The following MYO16 variants were observed in gnomAD, a reference collection of about 807,000 sequenced individuals.
The protein encoded by MYO16 is unconventional myosin-XVI.
In MYO16, 94 loss-of-function variants were observed where a neutral mutation model predicts 205.3. The observed-to-expected ratio is 0.46, with a 90% CI of 0.39 to 0.54. The LOEUF (loss-of-function observed/expected upper bound fraction) is 0.54. MYO16 is among the 20% of genes least tolerant of loss of function. MYO16 has a pLI of 0.00. For synonymous variants in MYO16, 988 were observed against 954.0 expected (o/e 1.04, Z -0.66); for missense variants, 2,315 against 2,387.5 (o/e 0.97, Z 0.63).
At chr13:108,590,271 C>T in the MYO16 span, among the ~76,000 whole-genome samples, 2 of 152,306 alleles carry the variant, frequency 1.3e-5, no homozygotes, top group South Asian at 4.1e-4. Context: ...TGCAGTGGTT[C>T]TCAAACCTTG....
At chr13:109,022,156 T>TATATATTTATATA (rs1491119226) in intron 23 of MYO16, among the ~76,000 whole-genome samples, 1 of 138,130 alleles carries the variant, frequency 7.2e-6, no homozygotes, top group Non-Finnish European at 1.5e-5. Context: ...TATATACAAA[T>TATATATTTATATA]TTATATATAC....
chr13:109,127,973 G>A lies in MYO16; in HGVS notation c.4051+423G>A, dbSNP rs1192448341. ...ATTATTTACCCATAGGAGAGTCATC[G>A]TGCAGGAAACTTCTGTTAGGAAAAC... On this transcript the variant is annotated intron_variant, in intron 31 of 34. Coordinates refer to ENST00000457511, the MANE Select transcript of MYO16 (RefSeq NM_001198950.3). This position sits in a 1 kb window ranked among gnomAD's most constrained non-coding sequence, Gnocchi z 4.2. Among the ~76,000 whole-genome samples, 1 of 151,854 alleles carries A rather than the reference G, an allele frequency of 6.6e-6. No homozygotes were observed. The highest frequency in any genetic ancestry group is 2.4e-5 in the African/African-American group (1 of 41,326).
chr13:108,896,828 CT>C (rs1880437259), intron 14 of MYO16, among the ~76,000 whole-genome samples: 1 of 151,932 alleles, frequency 6.6e-6, no homozygotes, highest in African/African-American at 2.4e-5. Flanking sequence ...AAAAATTGGC[CT>C]GGTGTAACGG....
chr13:108,549,703 G>T, the MYO16 span, among the ~76,000 whole-genome samples: 3 of 151,948 alleles, frequency 2.0e-5, no homozygotes, highest in Non-Finnish European at 4.4e-5. Context: ...GGGGAGAGTG[G>T]TCCTGGTAGC....
chr13:108,617,562 G>A (rs1420724785), intron 1 of MYO16, among the ~76,000 whole-genome samples: 2 of 152,140 alleles, frequency 1.3e-5, no homozygotes, highest in Non-Finnish European at 1.5e-5. Context: ...GCTCTTCACA[G>A]GTACGGGCTT....
At chr13:109,153,056 A>T (rs182118296) in intron 32 of MYO16, among the ~76,000 whole-genome samples, 1 of 152,240 alleles carries the variant, frequency 6.6e-6, no homozygotes, top group East Asian at 1.9e-4. Flanking sequence ...TTACATAGAG[A>T]TACTACTCGG....
At chr13:109,132,158 T>C (rs1459420157) in intron 31 of MYO16, among the ~76,000 whole-genome samples, 1 of 152,204 alleles carries the variant, frequency 6.6e-6, no homozygotes, top group African/African-American at 2.4e-5. Flanking sequence ...ATGATGTCAG[T>C]GGTGCTGTGC....
At chr13:109,033,205 G>A (rs75265716) in intron 23 of MYO16, among the ~76,000 whole-genome samples, 14,007 of 152,004 alleles carry the variant, frequency 0.092, 732 homozygotes, top group Middle Eastern at 0.11. Flanking sequence ...CCAGGGCTCC[G>A]TTTCCTCTCG....
At chr13:108,875,485 G>C (rs1473425865) in intron 12 of MYO16, among the ~76,000 whole-genome samples, 1 of 152,086 alleles carries the variant, frequency 6.6e-6, no homozygotes, top group African/African-American at 2.4e-5. Flanking sequence ...GTAATGTGTT[G>C]CCAGGTGGTA....
At chr13:108,637,113 G>A (rs767292625) in intron 1 of MYO16, among the ~76,000 whole-genome samples, 13 of 152,156 alleles carry the variant, frequency 8.5e-5, no homozygotes, top group South Asian at 2.1e-4. Context: ...ATATAAAATC[G>A]TAAACTTATA....
intron 31 of MYO16, among the ~76,000 whole-genome samples, chr13:109,135,466 C>T (rs924503125): frequency 6.6e-6 from 1 of 152,148 alleles, no homozygotes; most frequent in Non-Finnish European, 1.5e-5. Context: ...TTTTTTCAGC[C>T]TGCTTCTTCC....
chr13:108,588,200 A>T, the MYO16 span, among the ~76,000 whole-genome samples: 2 of 152,204 alleles, frequency 1.3e-5, no homozygotes, highest in Non-Finnish European at 2.9e-5. Context: ...CAGAGTATTA[A>T]ATGCAATCTA....
the MYO16 span, among the ~76,000 whole-genome samples, chr13:108,572,079 C>T: frequency 1.3e-5 from 2 of 151,768 alleles, no homozygotes; most frequent in Admixed American, 1.3e-4. Context: ...GCCACCATGC[C>T]CAGCTGATTA....
At chr13:109,097,157 T>C (rs1888804085) in intron 27 of MYO16, among the ~76,000 whole-genome samples, 1 of 152,132 alleles carries the variant, frequency 6.6e-6, no homozygotes, top group Non-Finnish European at 1.5e-5. Context: ...TGTGAAACCC[T>C]GTCTCTACTA....
At chr13:108,919,848 G>T (rs1881664281) in intron 16 of MYO16, among the ~76,000 whole-genome samples, 1 of 152,112 alleles carries the variant, frequency 6.6e-6, no homozygotes, top group Non-Finnish European at 1.5e-5. Flanking sequence ...TAAAAAACAT[G>T]ACCCAACCTG....
At chr13:108,758,651 G>A (rs1885499342) in intron 4 of MYO16, among the ~76,000 whole-genome samples, 1 of 152,194 alleles carries the variant, frequency 6.6e-6, no homozygotes, top group Non-Finnish European at 1.5e-5. Context: ...GCTGTTAGAT[G>A]TAGATGACAG....
Position 109,141,407 on chromosome 13 carries a change from T to C in MYO16, c.5164+31T>C. The C allele has an allele frequency of 1.5e-6, 2 of 1,371,662 alleles. No homozygotes were observed. Among genetic ancestry groups the C allele is most frequent in the Non-Finnish European group, 1.9e-6 (2 of 1,037,214 alleles). 85.0% of individuals were successfully genotyped at this position (1,371,662 alleles called of 1,614,324 possible). A position where few individuals can be genotyped will look rare whatever the true frequency, so the allele number is the denominator to read the frequency against. On this transcript the variant is annotated intron_variant, in intron 32 of 34. Coordinates refer to ENST00000457511, the MANE Select transcript of MYO16 (RefSeq NM_001198950.3). This position sits in a 1 kb window ranked among gnomAD's most constrained non-coding sequence, Gnocchi z 4.1. ...CGGAGCAGACATCCCCCCACTCCTT[T>C]TGCATGGACGCTGTGCTTGCGTGCA...
intron 4 of MYO16, among the ~76,000 whole-genome samples, chr13:108,750,961 A>G (rs1208584141): frequency 6.6e-6 from 1 of 152,202 alleles, no homozygotes; most frequent in Non-Finnish European, 1.5e-5. Flanking sequence ...GTGATGGATT[A>G]GAGTTGACAA....
chr13:108,694,780 C>T (rs11620235), intron 2 of MYO16, among the ~76,000 whole-genome samples: 36,221 of 152,014 alleles, frequency 0.24, 4,298 homozygotes, highest in Middle Eastern at 0.34. Flanking sequence ...ATCTGAGAAA[C>T]AATTACCAAA....
Sources: gnomAD v4.1 joint callset for allele counts (sites outside exome capture counted in the v4.1 genomes callset) on GRCh38, gnomAD v4.1.1 for gene constraint, Gnocchi (gnomAD v3.1) non-coding constraint, MANE v1.5 for transcripts, NCBI Gene and HGNC (gene_info 2026-07-23, HGNC 2026-07-21) for gene names.